The following NCKAP5L variants were observed in gnomAD, a reference collection of about 807,000 sequenced individuals.
NCKAP5L encodes NCK associated protein 5 like, also known as nck-associated protein 5-like.
In NCKAP5L, 54 loss-of-function variants were observed where a neutral mutation model predicts 103.2. That is an observed-to-expected ratio of 0.52 (90% confidence interval 0.42 to 0.66). The LOEUF is 0.66. Ranked by LOEUF, NCKAP5L falls within the 30% of genes least tolerant of loss-of-function variation. NCKAP5L has a pLI of 0.00. For missense variants in NCKAP5L, 1,733 were observed against 1,750.6 expected (o/e 0.99, Z 0.18); for synonymous variants, 762 against 748.6 (o/e 1.02, Z -0.29).
intron 9 of NCKAP5L, 51 bp downstream of exon 9, chr12:49,793,683 G>A: frequency 1.3e-6 from 2 of 1,499,670 alleles, no homozygotes; most frequent in Non-Finnish European, 8.9e-7. Context: ...AAGAGACCTG[G>A]CAGGGCCAGA....
At position 49,793,377 on chromosome 12, in the gene NCKAP5L, C is replaced by T. The variant is rs758257355; in HGVS notation, c.3315G>A (p.Glu1105=). Residue 1105 remains glutamate (E), a synonymous_variant, in exon 10 of 13, where the codon GAG becomes GAA. Coordinates refer to ENST00000335999, the MANE Select transcript of NCKAP5L (RefSeq NM_001037806.4). ...EEMPSEDSLA[E]PVPTSHFTAC... ...CTGTGAAGTGTGAGGTGGGCACTGG[C>T]TCGGCCAGGCTGTCCTCCGAGGGCA... is the stretch of plus-strand genomic sequence containing the variant. 1 of 1,608,104 alleles carries T rather than the reference C, an allele frequency of 6.2e-7. No individual in the cohort carries two copies.
chr12:49,798,953 A>G (rs1192954311), intron 6 of NCKAP5L, among the ~76,000 whole-genome samples: 1 of 152,200 alleles, frequency 6.6e-6, no homozygotes, highest in African/African-American at 2.4e-5. Flanking sequence ...CTCATGTGGA[A>G]CATCTACTCT....
Position 49,797,082 on chromosome 12 carries a change from G to C in NCKAP5L, c.778C>G (p.Leu260Val). 1 of 1,581,758 alleles carries C rather than the reference G, an allele frequency of 6.3e-7. No individual in the cohort carries two copies. Among genetic ancestry groups the C allele is most frequent in the Non-Finnish European group, 8.6e-7 (1 of 1,164,346 alleles). Reference protein sequence around the residue: ...NLGGLLHWERLLGGLGGEEDT... With the variant: ...NLGGLLHWERVLGGLGGEEDT... ...TCTTCCCCTCCCAGACCCCCCAAGA[G>C]GCGCTCCCAGTGCAGCAGGCCTCCC... is the stretch of plus-strand genomic sequence containing the variant. The change falls in exon 8 of 13, where the codon CTC (leucine) becomes GTC (valine). Residue 260 changes from leucine (L) to valine (V), a missense_variant. Physicochemically the swap from Leu to Val is conservative, Grantham distance 32. Coordinates refer to ENST00000335999, the MANE Select transcript of NCKAP5L (RefSeq NM_001037806.4). This position sits in a 1 kb window ranked among gnomAD's most constrained non-coding sequence, Gnocchi z 4.5.
chr12:49,793,673 A>C (rs1176897773), intron 9 of NCKAP5L, 61 bp downstream of exon 9: 58 of 1,485,386 alleles, frequency 3.9e-5, no homozygotes, highest in Non-Finnish European at 4.9e-5. Context: ...TCTAGGGGGT[A>C]AGAGACCTGG....
intron 1 of NCKAP5L, among the ~76,000 whole-genome samples, chr12:49,821,556 C>G (rs1946362086): frequency 6.6e-6 from 1 of 152,258 alleles, no homozygotes; most frequent in Non-Finnish European, 1.5e-5. Flanking sequence ...CTCCTGCTCC[C>G]AGCATGTGTG....
chr12:49,803,004 C>T lies in NCKAP5L; in HGVS notation c.193-8G>A, dbSNP rs748514345. 1.2e-6 allele frequency: 2 copies of T among 1,614,250 alleles called. No homozygotes were observed. The highest frequency in any genetic ancestry group is 2.2e-5 in the East Asian group (1 of 44,886). On this transcript the variant is annotated splice_region_variant and splice_polypyrimidine_tract_variant and intron_variant, in intron 4 of 12. Coordinates refer to ENST00000335999, the MANE Select transcript of NCKAP5L (RefSeq NM_001037806.4). ...TACCACATGGTTGGCAACCTGGGGA[C>T]AGAAAGCCCCGAGGCAGAGCCATCA...
In NCKAP5L at chr12:49,801,161, C is replaced by A. The variant is rs1435502407; in HGVS notation, c.351+687G>T. ...CAGACAGACACAAACACGCACACCC[C>A]CCTCCCCCATACACACACACAGAAA... is the stretch of plus-strand genomic sequence containing the variant. On this transcript the variant is annotated intron_variant, in intron 6 of 12. Coordinates refer to ENST00000335999, the MANE Select transcript of NCKAP5L (RefSeq NM_001037806.4). Among the ~76,000 whole-genome samples, 4 of 152,196 alleles carry A rather than the reference C, an allele frequency of 2.6e-5. No individual in the cohort carries two copies. In the East Asian group the frequency reaches 5.8e-4, roughly 22 times the overall value.
intron 1 of NCKAP5L, among the ~76,000 whole-genome samples, chr12:49,812,781 C>T (rs1205059832): frequency 1.3e-5 from 2 of 152,184 alleles, no homozygotes; most frequent in Non-Finnish European, 2.9e-5. Flanking sequence ...CACTTTTTAG[C>T]TATTATGAAT....
intron 1 of NCKAP5L, among the ~76,000 whole-genome samples, chr12:49,818,913 T>G (rs1946330020): frequency 6.6e-6 from 1 of 151,204 alleles, no homozygotes. Context: ...AAACTTAAAA[T>G]AGGCCAGACC....
At chr12:49,794,332 C>CA (rs1341679139) in intron 8 of NCKAP5L, among the ~76,000 whole-genome samples, 1 of 152,198 alleles carries the variant, frequency 6.6e-6, no homozygotes, top group African/African-American at 2.4e-5. Context: ...GACAGAGCAA[C>CA]CCCAAGATGG....
intron 1 of NCKAP5L, among the ~76,000 whole-genome samples, chr12:49,823,189 A>T (rs1395033321): frequency 6.6e-6 from 1 of 152,098 alleles, no homozygotes; most frequent in Non-Finnish European, 1.5e-5. Flanking sequence ...AGTTGGGTTT[A>T]TTCTAGGTCC....
intron 1 of NCKAP5L, among the ~76,000 whole-genome samples, chr12:49,820,313 C>CTTTT (rs55677422): frequency 1.1e-4 from 13 of 121,410 alleles, no homozygotes; most frequent in South Asian, 2.7e-4. Context: ...ATCTCCTGGC[C>CTTTT]TTTTTTTTTT....
chr12:49,808,683 G>C (rs2137022228), intron 1 of NCKAP5L, among the ~76,000 whole-genome samples: 1 of 152,260 alleles, frequency 6.6e-6, no homozygotes, highest in Middle Eastern at 3.4e-3. Context: ...TCGCAGTGGT[G>C]GTCCCTGCTG....
At position 49,792,216 on chromosome 12, in the gene NCKAP5L, G is replaced by T; in HGVS notation, c.3793-165C>A. Reference sequence around the variant, plus strand: ...GGAAACAGGCTGGAGGTACAACTGAGAACAGTCCTACAAGGTTCTGGGGAG... The same window carrying T: ...GGAAACAGGCTGGAGGTACAACTGATAACAGTCCTACAAGGTTCTGGGGAG... On this transcript the variant is annotated intron_variant, in intron 12 of 12. Transcript: ENST00000335999. The surrounding 1 kb of genome is among the most constrained non-coding windows in gnomAD (Gnocchi z 4.5). 1 of 1,071,670 alleles carries T rather than the reference G, an allele frequency of 9.3e-7. No homozygotes were observed. Among genetic ancestry groups the T allele is most frequent in the Non-Finnish European group, 1.4e-6 (1 of 728,498 alleles). The allele number at this position is 1,071,670 out of a possible 1,614,324, so 66.4% of individuals were successfully genotyped here. A position where few individuals can be genotyped will look rare whatever the true frequency, so the allele number is the denominator to read the frequency against.
At chr12:49,812,761 G>T (rs536843020) in intron 1 of NCKAP5L, among the ~76,000 whole-genome samples, 33 of 152,246 alleles carry the variant, frequency 2.2e-4, no homozygotes, top group African/African-American at 7.7e-4. Context: ...ATGAACATTT[G>T]GCTTGTTTTC....
At chr12:49,793,677 G>A in intron 9 of NCKAP5L, 57 bp downstream of exon 9, 1 of 1,491,902 alleles carries the variant, frequency 6.7e-7, no homozygotes, top group Non-Finnish European at 8.9e-7. Context: ...GGGGGTAAGA[G>A]ACCTGGCAGG....
intron 1 of NCKAP5L, among the ~76,000 whole-genome samples, chr12:49,824,923 A>G (rs558671927): frequency 1.3e-5 from 2 of 151,992 alleles, no homozygotes; most frequent in East Asian, 3.9e-4. Context: ...TAACACTCTG[A>G]CTCTCCAAGG....
intron 1 of NCKAP5L, among the ~76,000 whole-genome samples, chr12:49,807,998 G>A (rs898814059): frequency 8.5e-5 from 13 of 152,228 alleles, no homozygotes; most frequent in African/African-American, 2.7e-4. Context: ...AAGCAACAAC[G>A]AAACAATGTA....
chr12:49,816,582 G>A lies in NCKAP5L; in HGVS notation c.-98-10541C>T, dbSNP rs971784974. Among the ~76,000 whole-genome samples, 3 of 150,206 alleles carry A rather than the reference G, an allele frequency of 2.0e-5. 1 individual carries two copies. Among genetic ancestry groups the A allele is most frequent in the African/African-American group, 7.3e-5 (3 of 40,818 alleles). ...TGGGAGGCCAAGGTGGGTGGATTAC[G>A]AGGTCAGGAGTTCGAGTCCAGCCTG... is the stretch of plus-strand genomic sequence containing the variant. On this transcript the variant is annotated intron_variant, in intron 1 of 12. Transcript: ENST00000335999.
Sources: allele counts gnomAD v4.1 joint callset (sites outside exome capture counted in the v4.1 genomes callset), GRCh38; gene constraint gnomAD v4.1.1; non-coding constraint Gnocchi (gnomAD v3.1); transcripts MANE v1.5; gene names NCBI Gene and HGNC (gene_info 2026-07-23, HGNC 2026-07-21).